Variants in NUDT6 observed in about 807,000 individuals in gnomAD.
The protein encoded by NUDT6 is FAD diphosphatase NUDT6.
Under a neutral mutation model 36.8 loss-of-function variants are expected in NUDT6, and 24 were observed. That is an observed-to-expected ratio of 0.65 (90% CI 0.47 to 0.92). The LOEUF (loss-of-function observed/expected upper bound fraction) is 0.92, where lower values mean the gene tolerates loss of function less well. Ranked by LOEUF, NUDT6 falls within the 40% of genes least tolerant of loss-of-function variation. The pLI, the probability that NUDT6 is intolerant of heterozygous loss-of-function variation, is 0.00. For missense variants in NUDT6, 388 were observed against 392.8 expected (o/e 0.99, Z 0.10); for synonymous variants, 163 against 157.0 (o/e 1.04, Z -0.29).
At chr4:122,898,944 C>T (rs1727447843) in intron 3 of NUDT6, among the ~76,000 whole-genome samples, 1 of 151,844 alleles carries the variant, frequency 6.6e-6, no homozygotes, top group South Asian at 2.1e-4. Flanking sequence ...GCAGTGGCAC[C>T]ATCAGAGCTC....
Position 122,909,516 on chromosome 4 carries a change from C to T in NUDT6, c.498+3052G>A, listed in dbSNP as rs1300655909. Among the ~76,000 whole-genome samples, 5 of 152,062 alleles carry T rather than the reference C, an allele frequency of 3.3e-5. 1 individual carries two copies. The highest frequency in any genetic ancestry group is 4.8e-5 in the African/African-American group (2 of 41,396). ...AAAATTTTTTTTTTACCCCGAAAAC[C>T]TCATAAACTAGGATCAGGAATGTGT... On this transcript the variant is annotated intron_variant, in intron 3 of 4. Coordinates refer to ENST00000304430, the MANE Select transcript of NUDT6 (RefSeq NM_007083.5).
intron 3 of NUDT6, among the ~76,000 whole-genome samples, chr4:122,898,747 G>A (rs1052168357): frequency 1.3e-5 from 2 of 152,162 alleles, no homozygotes; most frequent in Non-Finnish European, 2.9e-5. Flanking sequence ...TATTAATGTA[G>A]AAATATATCT....
chr4:122,902,733 C>A (rs532060053), intron 3 of NUDT6, among the ~76,000 whole-genome samples: 1 of 152,138 alleles, frequency 6.6e-6, no homozygotes, highest in Non-Finnish European at 1.5e-5. Flanking sequence ...GTTTAAGTCA[C>A]TGTTAGGTCC....
At chr4:122,905,475 T>C (rs899915507) in intron 3 of NUDT6, among the ~76,000 whole-genome samples, 9 of 152,218 alleles carry the variant, frequency 5.9e-5, no homozygotes, top group African/African-American at 9.6e-5. Flanking sequence ...ATGAGGATGA[T>C]CATTCATATG....
upstream of NUDT6, chr4:122,922,724 G>A (rs1728123912): frequency 7.4e-6 from 5 of 676,254 alleles, no homozygotes. Flanking sequence ...AGACCGCGAA[G>A]TGGTCCACCA....
At position 122,892,952 on chromosome 4, in the gene NUDT6, C is replaced by T; in HGVS notation, c.827G>A (p.Arg276Lys). ...RVARLLLYGY[R>K]EGFDKIDLTV... is the part of the protein sequence containing the mutation. Reference sequence around the variant, plus strand: ...CAGGTCAATTTTGTCAAACCCTTCTCTGTACCCATACAGCAGCAGCCTAGC... The same window carrying T: ...CAGGTCAATTTTGTCAAACCCTTCTTTGTACCCATACAGCAGCAGCCTAGC... Residue 276 changes from arginine to lysine, a missense_variant, in exon 5 of 5, where the codon AGA becomes AAA. Arg to Lys is a conservative substitution (Grantham distance 26, BLOSUM62 2). Transcript: ENST00000304430. The T allele has an allele frequency of 6.2e-7, 1 of 1,614,202 alleles. No homozygotes were observed. Among genetic ancestry groups the T allele is most frequent in the South Asian group, 1.1e-5 (1 of 91,088 alleles).
intron 4 of NUDT6, chr4:122,896,886 TCAAA>T (rs1367206401): frequency 6.6e-6 from 1 of 152,186 alleles, no homozygotes; most frequent in African/African-American, 2.4e-5. Flanking sequence ...AATATTGGTA[TCAAA>T]CAAATACATT....
intron 3 of NUDT6, among the ~76,000 whole-genome samples, chr4:122,909,268 C>T (rs1727683544): frequency 6.6e-6 from 1 of 152,032 alleles, no homozygotes; most frequent in Admixed American, 6.6e-5. Context: ...GAAAAGATTA[C>T]CCTATAGGCT....
At chr4:122,917,800 CT>C in intron 1 of NUDT6, 96 bp from the exon 2 acceptor site, 15 of 1,127,192 alleles carry the variant, frequency 1.3e-5, no homozygotes, top group Non-Finnish European at 1.8e-5. Flanking sequence ...AGGAAACCAT[CT>C]TTAAGCAAAA....
At chr4:122,901,092 C>G (rs1727513333) in intron 3 of NUDT6, among the ~76,000 whole-genome samples, 1 of 152,066 alleles carries the variant, frequency 6.6e-6, no homozygotes, top group African/African-American at 2.4e-5. Context: ...GAACTTTCCA[C>G]TCTCTTGTGA....
At chr4:122,903,220 C>A (rs1727558530) in intron 3 of NUDT6, among the ~76,000 whole-genome samples, 1 of 152,134 alleles carries the variant, frequency 6.6e-6, no homozygotes, top group African/African-American at 2.4e-5. Context: ...CAAAACCCTA[C>A]TTAGGAGTGT....
At chr4:122,908,608 A>G (rs575588834) in intron 3 of NUDT6, among the ~76,000 whole-genome samples, 10 of 152,284 alleles carry the variant, frequency 6.6e-5, no homozygotes, top group East Asian at 3.9e-4. Context: ...CTGTAATTCA[A>G]TTGCCCACTG....
chr4:122,896,614 G>A (rs1385197876), intron 4 of NUDT6: 2 of 152,022 alleles, frequency 1.3e-5, no homozygotes, highest in African/African-American at 4.8e-5. Flanking sequence ...CATAAACTAA[G>A]CAAAAGGTCA....
intron 4 of NUDT6, chr4:122,896,753 G>A (rs1425033814): frequency 6.6e-6 from 1 of 152,088 alleles, no homozygotes; most frequent in African/African-American, 2.4e-5. Context: ...TAAAAATCAA[G>A]CTTTAAGTAC....
intron 3 of NUDT6, among the ~76,000 whole-genome samples, chr4:122,902,938 C>A (rs1294085755): frequency 6.6e-6 from 1 of 152,074 alleles, no homozygotes; most frequent in Non-Finnish European, 1.5e-5. Context: ...GAAAGGAGAG[C>A]AACTGGCTTG....
intron 3 of NUDT6, among the ~76,000 whole-genome samples, chr4:122,910,083 G>T (rs998570909): frequency 1.3e-5 from 2 of 152,088 alleles, no homozygotes; most frequent in African/African-American, 4.8e-5. Context: ...TGATTTAACA[G>T]AGAACCATAA....
chr4:122,892,636 A>C lies in NUDT6; in HGVS notation c.*192T>G, dbSNP rs1560761401. 1.4e-6 allele frequency: 2 copies of C among 1,421,696 alleles called. No individual in the cohort carries two copies. The highest frequency in any genetic ancestry group is 2.5e-5 in the East Asian group (1 of 39,798). 88.1% of individuals were successfully genotyped at this position (1,421,696 alleles called of 1,614,324 possible). Reference sequence around the variant, plus strand: ...CTGTTACCCAGTGAAGCTTACCTAGAGCAATGATCTTTTTCACGCATTTGC... The same window carrying C: ...CTGTTACCCAGTGAAGCTTACCTAGCGCAATGATCTTTTTCACGCATTTGC... On this transcript the variant is annotated 3_prime_UTR_variant, in exon 5 of 5. Transcript: ENST00000304430.
intron 2 of NUDT6, among the ~76,000 whole-genome samples, chr4:122,915,237 C>T (rs1642708695): frequency 6.6e-6 from 1 of 152,084 alleles, no homozygotes; most frequent in African/African-American, 2.4e-5. Flanking sequence ...TAACAAATGC[C>T]AATTATTTTT....
rs1277729868 is a variant in NUDT6, at chr4:122,916,465, T to TA, written c.442+1035dup. Reference sequence around the variant, plus strand: ...GGTTTGCTTTACCTGAAATTCAACATAAAAATGATCATTTACTTTACAAAT... The same window carrying TA: ...GGTTTGCTTTACCTGAAATTCAACATAAAAAATGATCATTTACTTTACAAAT... On this transcript the variant is annotated intron_variant, in intron 2 of 4. Transcript: ENST00000304430. Among the ~76,000 whole-genome samples the TA allele has an allele frequency of 2.6e-5, 4 of 152,330 alleles. No homozygotes were observed. In the South Asian group the frequency reaches 8.3e-4, roughly 32 times the overall value.
Sources: allele counts gnomAD v4.1 joint callset (sites outside exome capture counted in the v4.1 genomes callset), GRCh38; gene constraint gnomAD v4.1.1; transcripts MANE v1.5; gene names NCBI Gene and HGNC (gene_info 2026-07-23, HGNC 2026-07-21).